The following PCDHA11 variants were observed in gnomAD, a reference collection of about 807,000 sequenced individuals.
PCDHA11 encodes protocadherin alpha 11.
PCDHA11 carries 61 observed loss-of-function variants against 70.3 expected under a neutral mutation model. That is an observed-to-expected ratio of 0.87 (90% confidence interval 0.71 to 1.07). PCDHA11 has a LOEUF of 1.07. PCDHA11 is among the 50% of genes least tolerant of loss of function. The pLI, the probability that PCDHA11 is intolerant of heterozygous loss-of-function variation, is 0.00. For synonymous variants in PCDHA11, 633 were observed against 555.1 expected (o/e 1.14, Z -1.97); for missense variants, 1,324 against 1,237.5 (o/e 1.07, Z -1.05).
intron 1 of PCDHA11, among the ~76,000 whole-genome samples, chr5:140,874,944 G>A (rs2055185348): frequency 6.6e-6 from 1 of 152,170 alleles, no homozygotes; most frequent in Non-Finnish European, 1.5e-5. Context: ...TGAAACAGCG[G>A]AATTGTAAGC....
chr5:140,894,253 T>C (rs1554186000), intron 1 of PCDHA11, among the ~76,000 whole-genome samples: 1 of 152,112 alleles, frequency 6.6e-6, no homozygotes, highest in Non-Finnish European at 1.5e-5. Context: ...TTCTTTTCTT[T>C]ACAAGTGGTA....
At position 140,957,153 on chromosome 5, in the gene PCDHA11, A is replaced by G. The variant is rs988889035; in HGVS notation, c.2392-21796A>G. Among the ~76,000 whole-genome samples, 121 of 152,268 alleles carry G rather than the reference A, an allele frequency of 7.9e-4. 1 individual carries two copies. Among genetic ancestry groups the G allele is most frequent in the East Asian group, 3.9e-4 (2 of 5,186 alleles). On this transcript the variant is annotated intron_variant, in intron 1 of 3. Transcript: ENST00000398640. Reference sequence around the variant, plus strand: ...ACACTATGAACTAAAAATTTTGGAGACAAATCTAAGTATATAAATTGGTTT... The same window carrying G: ...ACACTATGAACTAAAAATTTTGGAGGCAAATCTAAGTATATAAATTGGTTT...
chr5:141,000,359 CTG>C (rs1554257257), intron 3 of PCDHA11, among the ~76,000 whole-genome samples: 2 of 78,146 alleles, frequency 2.6e-5, no homozygotes, highest in South Asian at 4.6e-4. Context: ...CTGTCTCTCT[CTG>C]TCTCTCTCTC....
chr5:140,896,847 A>G (rs892276664), intron 1 of PCDHA11, among the ~76,000 whole-genome samples: 5 of 152,064 alleles, frequency 3.3e-5, no homozygotes, highest in African/African-American at 4.8e-5. Flanking sequence ...TTTTAATTTT[A>G]TGGGTACATA....
rs189936741 is a variant in PCDHA11, at chr5:140,928,492, C to T, written c.2392-50457C>T. The T allele has an allele frequency of 1.5e-5, 24 of 1,614,150 alleles. No individual in the cohort carries two copies. In the East Asian group the frequency reaches 5.3e-4, roughly 36 times the overall value. ...AGAAGGCCGGGATGGTGGCATTCCT[C>T]CCAGAAGTGCAACAGTGACTATAAA... On this transcript the variant is annotated intron_variant, in intron 1 of 3. Transcript: ENST00000398640.
chr5:140,878,658 G>T (rs139171755), intron 1 of PCDHA11, among the ~76,000 whole-genome samples: 120 of 152,200 alleles, frequency 7.9e-4, no homozygotes, highest in African/African-American at 2.7e-3. Flanking sequence ...ATATCCAGAG[G>T]CTTCTCTTTA....
chr5:140,884,484 T>C, intron 1 of PCDHA11: 2 of 1,613,922 alleles, frequency 1.2e-6, no homozygotes, highest in Non-Finnish European at 1.7e-6. Context: ...AAGCCCACTC[T>C]AGTGTGCTCC....
intron 1 of PCDHA11, among the ~76,000 whole-genome samples, chr5:140,912,641 G>C (rs2076009138): frequency 6.6e-6 from 1 of 152,128 alleles, no homozygotes; most frequent in African/African-American, 2.4e-5. Flanking sequence ...TCAGTACTAT[G>C]TTGAATAGAA....
At chr5:140,907,882 G>A (rs895415928) in intron 1 of PCDHA11, among the ~76,000 whole-genome samples, 1 of 152,168 alleles carries the variant, frequency 6.6e-6, no homozygotes, top group African/African-American at 2.4e-5. Flanking sequence ...GCACTCACAT[G>A]GGATACAAAT....
intron 3 of PCDHA11, among the ~76,000 whole-genome samples, chr5:140,987,098 C>A (rs2153859479): frequency 6.6e-6 from 1 of 151,952 alleles, no homozygotes; most frequent in Admixed American, 6.6e-5. Flanking sequence ...CCTGTAATCC[C>A]AGCTACTCGG....
chr5:140,901,268 T>C (rs185427298), intron 1 of PCDHA11, among the ~76,000 whole-genome samples: 57 of 152,328 alleles, frequency 3.7e-4, no homozygotes, highest in African/African-American at 1.3e-3. Context: ...TGTGGGGTAT[T>C]ACTCAAGAAA....
chr5:140,935,057 G>A (rs2090168860), intron 1 of PCDHA11, among the ~76,000 whole-genome samples: 1 of 152,034 alleles, frequency 6.6e-6, no homozygotes, highest in Non-Finnish European at 1.5e-5. Flanking sequence ...ATTACAAGAT[G>A]TTCAGATTAT....
rs1563652468 is a variant in PCDHA11 at position 141,000,419 on chromosome 5, A to AT, written c.2540-9207dup. The stretch of plus-strand genomic sequence containing the variant: ...TCTATATATATATATATATATATAT[A>AT]TATTTTTTTTTTTTTTTTTTTTTTT... On this transcript the variant is annotated intron_variant, in intron 3 of 3. Transcript: ENST00000398640. 4.4e-3 allele frequency among the ~76,000 whole-genome samples: 271 copies of AT among 60,978 alleles called. 1 individual carries two copies. The highest frequency in any genetic ancestry group is 5.9e-3 in the Non-Finnish European group (210 of 35,644). The allele number at this position is 60,978 out of a possible 152,430, so 40.0% of individuals were successfully genotyped here.
intron 3 of PCDHA11, among the ~76,000 whole-genome samples, chr5:140,993,652 T>C (rs1174007185): frequency 6.6e-6 from 1 of 152,172 alleles, no homozygotes; most frequent in Admixed American, 6.5e-5. Flanking sequence ...AATGACACTT[T>C]GGTTAACAAT....
At chr5:140,994,163 G>A (rs2097601451) in intron 3 of PCDHA11, among the ~76,000 whole-genome samples, 1 of 152,200 alleles carries the variant, frequency 6.6e-6, no homozygotes, top group African/African-American at 2.4e-5. Flanking sequence ...CAACGAAGGG[G>A]AAGGAAGCTG....
At chr5:140,904,443 A>G (rs1345999576) in intron 1 of PCDHA11, among the ~76,000 whole-genome samples, 8 of 151,082 alleles carry the variant, frequency 5.3e-5, no homozygotes, top group African/African-American at 1.5e-4. Flanking sequence ...GTATATTACA[A>G]TTTCTTTATA....
intron 3 of PCDHA11, among the ~76,000 whole-genome samples, chr5:140,993,365 A>G (rs1207264244): frequency 1.3e-5 from 2 of 151,422 alleles, no homozygotes; most frequent in Admixed American, 6.6e-5. Flanking sequence ...CACAAAAACT[A>G]CCTCCCAGCC....
chr5:140,983,704 A>T (rs1364816662), intron 3 of PCDHA11, among the ~76,000 whole-genome samples: 3 of 152,226 alleles, frequency 2.0e-5, no homozygotes, highest in Non-Finnish European at 4.4e-5. Flanking sequence ...AAATCCAAGT[A>T]TATCTAGCAC....
chr5:140,969,069 T>G, intron 1 of PCDHA11: 1 of 1,614,160 alleles, frequency 6.2e-7, no homozygotes, highest in Non-Finnish European at 8.5e-7. Flanking sequence ...GATGCCAGGA[T>G]ACCGCATGGC....
Sources: allele counts gnomAD v4.1 joint callset (sites outside exome capture counted in the v4.1 genomes callset), GRCh38; gene constraint gnomAD v4.1.1; transcripts MANE v1.5; gene names NCBI Gene and HGNC (gene_info 2026-07-23, HGNC 2026-07-21).